Variants in ADAMTSL1 observed in about 807,000 individuals in gnomAD.
ADAMTSL1 encodes the protein ADAMTS-like protein 1.
Under a neutral mutation model 201.8 loss-of-function variants are expected in ADAMTSL1, and 126 were observed. The observed-to-expected ratio is 0.62, with a 90% CI of 0.54 to 0.72. ADAMTSL1 has a LOEUF of 0.72. Ranked by LOEUF, ADAMTSL1 falls within the 30% of genes least tolerant of loss-of-function variation. ADAMTSL1 has a pLI of 0.00. For synonymous variants in ADAMTSL1, 1,121 were observed against 903.4 expected, an observed-to-expected ratio of 1.24 and a Z score of -4.32; for missense variants, 2,679 against 2,277.8, an observed-to-expected ratio of 1.18 and a Z score of -3.59.
At chr9:18,276,308 A>G (rs1436405687) in intron 2 of ADAMTSL1, among the ~76,000 whole-genome samples, 4 of 152,122 alleles carry the variant, frequency 2.6e-5, no homozygotes, top group African/African-American at 4.8e-5. Flanking sequence ...CCCATTCCAT[A>G]TTATTAATGG....
chr9:18,234,264 T>TGTGTGAGCAG (rs921154796), intron 2 of ADAMTSL1, among the ~76,000 whole-genome samples: 1 of 151,804 alleles, frequency 6.6e-6, no homozygotes, highest in Non-Finnish European at 1.5e-5. Flanking sequence ...AGAGAACGAG[T>TGTGTGAGCAG]GTGTGAGCAG....
rs542056833 is a variant in ADAMTSL1 at position 18,206,585 on chromosome 9, G to T, written c.207+42604G>T. Among the ~76,000 whole-genome samples, 4 of 152,034 alleles carry T rather than the reference G, an allele frequency of 2.6e-5. No homozygotes were observed. In the South Asian group the frequency reaches 6.2e-4, roughly 24 times the overall value. On this transcript the variant is annotated intron_variant, in intron 2 of 29. Coordinates refer to the ADAMTSL1 transcript ENST00000680146. Reference sequence around the variant, plus strand: ...TCCTGAAACACTGAGCAGACTTCTAGCCCTACATTAACCAGATCATGTCAA... The same window carrying T: ...TCCTGAAACACTGAGCAGACTTCTATCCCTACATTAACCAGATCATGTCAA...
At chr9:18,136,663 G>T (rs924727698) in intron 1 of ADAMTSL1, among the ~76,000 whole-genome samples, 36 of 151,958 alleles carry the variant, frequency 2.4e-4, no homozygotes, top group African/African-American at 8.5e-4. Context: ...ACAAAAAAGA[G>T]AAGGAATGGC....
intron 1 of ADAMTSL1, among the ~76,000 whole-genome samples, chr9:18,058,698 C>A (rs1323551264): frequency 6.6e-6 from 1 of 152,058 alleles, no homozygotes; most frequent in Non-Finnish European, 1.5e-5. Flanking sequence ...AAGTCTTTGT[C>A]CTTATGTTGT....
chr9:18,079,150 C>T (rs1384543129), intron 1 of ADAMTSL1, among the ~76,000 whole-genome samples: 1 of 152,156 alleles, frequency 6.6e-6, no homozygotes, highest in Non-Finnish European at 1.5e-5. Flanking sequence ...GGGTACTAGG[C>T]TCATTGTCTA....
chr9:17,989,970 T>C (rs1179319659), intron 1 of ADAMTSL1, among the ~76,000 whole-genome samples: 1 of 151,632 alleles, frequency 6.6e-6, no homozygotes, highest in East Asian at 1.9e-4. Context: ...AAAATCTTCT[T>C]GATGTAAGAA....
intron 1 of ADAMTSL1, among the ~76,000 whole-genome samples, chr9:17,952,954 C>T (rs995851978): frequency 6.7e-6 from 1 of 150,190 alleles, no homozygotes; most frequent in Non-Finnish European, 1.5e-5. Flanking sequence ...TCCTCCTCCT[C>T]CTTCTTCAGA....
At chr9:18,455,428 A>AC (rs1820563350) in intron 2 of ADAMTSL1, among the ~76,000 whole-genome samples, 1 of 151,826 alleles carries the variant, frequency 6.6e-6, no homozygotes, top group African/African-American at 2.4e-5. Flanking sequence ...GGTACCACTT[A>AC]CCCCCCAGTT....
At chr9:18,380,822 G>A (rs79186818) in intron 2 of ADAMTSL1, among the ~76,000 whole-genome samples, 13,404 of 152,232 alleles carry the variant, frequency 0.088, 764 homozygotes, top group Middle Eastern at 0.15. Context: ...ATTTACTACA[G>A]TCCATCAGGT....
intron 2 of ADAMTSL1, among the ~76,000 whole-genome samples, chr9:18,323,542 A>C (rs1351855187): frequency 2.0e-5 from 3 of 152,264 alleles, no homozygotes; most frequent in East Asian, 3.9e-4. Context: ...AAAGAAAAAA[A>C]CCCATAAAAT....
At chr9:18,524,176 T>A (rs1437241184) in intron 2 of ADAMTSL1, among the ~76,000 whole-genome samples, 1 of 152,220 alleles carries the variant, frequency 6.6e-6, no homozygotes, top group Non-Finnish European at 1.5e-5. Context: ...TAAGTTGGAT[T>A]CCTAGGTATT....
intron 1 of ADAMTSL1, among the ~76,000 whole-genome samples, chr9:18,146,028 G>C (rs1826624553): frequency 6.6e-6 from 1 of 151,954 alleles, no homozygotes; most frequent in Admixed American, 6.6e-5. Flanking sequence ...TTAAAACCAA[G>C]GAGATACTAC....
At chr9:18,265,812 A>G (rs890821922) in intron 2 of ADAMTSL1, among the ~76,000 whole-genome samples, 1 of 152,178 alleles carries the variant, frequency 6.6e-6, no homozygotes, top group Admixed American at 6.5e-5. Context: ...GAAATTATGG[A>G]AAAGGGAGGT....
chr9:18,160,060 T>A (rs2132078452), intron 1 of ADAMTSL1, among the ~76,000 whole-genome samples: 1 of 152,174 alleles, frequency 6.6e-6, no homozygotes, highest in Middle Eastern at 3.4e-3. Context: ...TTCAAGAGAA[T>A]TTGTTCTACA....
rs566506531 is a variant in ADAMTSL1 at position 18,501,878 on chromosome 9, G to C, written c.64-2951G>C. Among the ~76,000 whole-genome samples the C allele has an allele frequency of 4.6e-5, 7 of 152,334 alleles. No individual in the cohort carries two copies. The South Asian group carries it at 1.2e-3, about 27-fold the overall frequency. The stretch of plus-strand genomic sequence containing the variant: ...ACATCGTGGGCACTTAATATGTGTA[G>C]TTGTGCTGAAACGTGTAATATGTGA... On this transcript the variant is annotated intron_variant, in intron 1 of 28. Transcript: ENST00000380548.
chr9:18,638,908 G>A (rs900280981), intron 6 of ADAMTSL1, among the ~76,000 whole-genome samples: 1 of 152,050 alleles, frequency 6.6e-6, no homozygotes, highest in Non-Finnish European at 1.5e-5. Context: ...GGGCCATCAA[G>A]ATTGAAGTCA....
intron 2 of ADAMTSL1, among the ~76,000 whole-genome samples, chr9:18,410,509 A>C (rs1417873435): frequency 1.3e-5 from 2 of 152,192 alleles, no homozygotes; most frequent in Admixed American, 1.3e-4. Flanking sequence ...GTTTGCTGAG[A>C]ATAATGGCTT....
intron 2 of ADAMTSL1, among the ~76,000 whole-genome samples, chr9:18,512,515 C>T (rs1564008393): frequency 6.6e-6 from 1 of 151,860 alleles, no homozygotes; most frequent in Non-Finnish European, 1.5e-5. Context: ...TTAATTCATT[C>T]ATTCAATAAA....
intron 2 of ADAMTSL1, 78 bp downstream of exon 2, chr9:18,505,034 A>G (rs1823051809): frequency 1.3e-6 from 2 of 1,505,512 alleles, no homozygotes; most frequent in Non-Finnish European, 1.8e-6. Context: ...GATTGGGTTT[A>G]TGGAGAACAT....
Sources: gnomAD v4.1 joint callset for allele counts (sites outside exome capture counted in the v4.1 genomes callset) on GRCh38, gnomAD v4.1.1 for gene constraint, MANE v1.5 for transcripts, NCBI Gene and HGNC (gene_info 2026-07-23, HGNC 2026-07-21) for gene names.